The following JAK2 variants were observed in gnomAD, a reference collection of about 807,000 sequenced individuals.
The protein encoded by JAK2 is Janus kinase 2, also known as tyrosine-protein kinase JAK2.
Under a neutral mutation model 139.3 loss-of-function variants are expected in JAK2, and 86 were observed. The observed-to-expected ratio is 0.62, with a 90% CI of 0.52 to 0.74. JAK2 has a LOEUF of 0.74. Among genes scored for constraint, JAK2 ranks in the 30% least tolerant of loss-of-function variants. JAK2 has a pLI of 0.00. For synonymous variants in JAK2, 490 were observed against 437.7 expected, an observed-to-expected ratio of 1.12 and a Z score of -1.49; for missense variants, 1,421 against 1,360.3, an observed-to-expected ratio of 1.04 and a Z score of -0.70.
intron 2 of JAK2, among the ~76,000 whole-genome samples, chr9:4,994,790 C>G (rs1820467057): frequency 6.6e-6 from 1 of 152,076 alleles, no homozygotes; most frequent in Non-Finnish European, 1.5e-5. Context: ...AAGCTATGGC[C>G]CCATTTTTCA....
chr9:5,058,900 A>G (rs1024268099), intron 8 of JAK2, among the ~76,000 whole-genome samples: 3 of 152,270 alleles, frequency 2.0e-5, no homozygotes, highest in Admixed American at 6.5e-5. Flanking sequence ...TTGCTGAATT[A>G]TAGAAATTAT....
intron 2 of JAK2, among the ~76,000 whole-genome samples, chr9:5,002,799 C>T (rs755032714): frequency 3.3e-5 from 5 of 151,792 alleles, no homozygotes; most frequent in African/African-American, 4.8e-5. Context: ...TTATTGTGTG[C>T]ATATATATTT....
rs2130523588 is a variant in JAK2, at chr9:5,069,194, C to T, written c.1499C>T (p.Pro500Leu). ...NIIFQFTKCC[P>L]PKPKDKSNLL... is the part of the protein sequence containing the mutation. ...ATTTTCCAGTTTACTAAATGCTGTC[C>T]CCCAAAGCCAAAAGGTAAGATAATT... Residue 500 changes from proline to leucine, a missense_variant, in exon 11 of 25, where the codon CCC (proline) becomes CTC (leucine). Physicochemically the swap from Pro to Leu is moderately conservative, Grantham distance 98 (BLOSUM62 -3). Transcript: ENST00000381652. 1.9e-6 allele frequency: 3 copies of T among 1,600,304 alleles called. No individual in the cohort carries two copies. Among genetic ancestry groups the T allele is most frequent in the African/African-American group, 2.7e-5 (2 of 74,038 alleles).
At chr9:5,086,027 A>G (rs189521672) in intron 19 of JAK2, 19 of 787,630 alleles carry the variant, frequency 2.4e-5, no homozygotes, top group Middle Eastern at 3.7e-4. Flanking sequence ...ATACATTTGG[A>G]CAGGCAGGTG....
At chr9:5,030,402 A>T (rs1202324465) in intron 4 of JAK2, among the ~76,000 whole-genome samples, 1 of 152,000 alleles carries the variant, frequency 6.6e-6, no homozygotes, top group Non-Finnish European at 1.5e-5. Context: ...ATCTAGAAGT[A>T]TTTTTTTGCT....
At chr9:5,018,204 GGTTT>G (rs779326210) in intron 2 of JAK2, among the ~76,000 whole-genome samples, 2 of 152,044 alleles carry the variant, frequency 1.3e-5, no homozygotes, top group Non-Finnish European at 2.9e-5. Flanking sequence ...TTAGCATTGT[GGTTT>G]GTTGGTTTTC....
At chr9:5,088,377 C>G (rs1342874907) in intron 19 of JAK2, among the ~76,000 whole-genome samples, 11 of 152,100 alleles carry the variant, frequency 7.2e-5, no homozygotes, top group Admixed American at 7.2e-4. Context: ...TCTTGTAACT[C>G]AAGAACTACA....
chr9:5,027,491 A>G (rs1822853157), intron 3 of JAK2, among the ~76,000 whole-genome samples: 1 of 152,206 alleles, frequency 6.6e-6, no homozygotes, highest in Non-Finnish European at 1.5e-5. Flanking sequence ...CTACTGACTG[A>G]CCAGGGTGGT....
chr9:5,041,307 A>T (rs1816488875), intron 4 of JAK2: 3 of 819,234 alleles, frequency 3.7e-6, no homozygotes, highest in Non-Finnish European at 6.0e-6. Context: ...ACCAAGAAGC[A>T]CATCCCGTGC....
At position 5,054,094 on chromosome 9, in the gene JAK2, G is replaced by C. The variant is rs1215262057; in HGVS notation, c.615-469G>C. Among the ~76,000 whole-genome samples, 2 of 151,984 alleles carry C rather than the reference G, an allele frequency of 1.3e-5. No individual in the cohort carries two copies. The highest frequency in any genetic ancestry group is 3.8e-4 in the East Asian group (2 of 5,204). On this transcript the variant is annotated intron_variant, in intron 6 of 24. Transcript: ENST00000381652. This position sits in a 1 kb window ranked among gnomAD's most constrained non-coding sequence, Gnocchi z 4.9. ...AGCTGGCCTAACAAAATAATATACAGAAGTATGTTTGCATAATGAAAATGG... is the reference window on the plus strand; with the variant it reads ...AGCTGGCCTAACAAAATAATATACACAAGTATGTTTGCATAATGAAAATGG...
intron 4 of JAK2, among the ~76,000 whole-genome samples, chr9:5,042,296 C>T (rs1445584590): frequency 1.3e-5 from 2 of 151,630 alleles, no homozygotes; most frequent in East Asian, 1.9e-4. Context: ...CGCCACCGCG[C>T]CCGGCTAATT....
chr9:4,985,540 C>G lies in JAK2; in HGVS notation c.-199C>G, dbSNP rs996335354. The G allele has an allele frequency of 6.6e-6, 1 of 152,316 alleles. No homozygotes were observed. Among genetic ancestry groups the G allele is most frequent in the Non-Finnish European group, 1.5e-5 (1 of 68,236 alleles). 9.4% of individuals were successfully genotyped at this position (152,316 alleles called of 1,614,324 possible). A position where few individuals can be genotyped will look rare whatever the true frequency, so the allele number is the denominator to read the frequency against. On this transcript the variant is annotated 5_prime_UTR_variant, in exon 1 of 25. Coordinates refer to ENST00000381652, the MANE Select transcript of JAK2 (RefSeq NM_004972.4). ...CCTGGAGGTCGTTCAGAGCCGTGCC[C>G]GTCCCGGGGCTTCGCAGACCTTGAC...
At chr9:5,092,818 A>T (rs1198300595) in intron 22 of JAK2, among the ~76,000 whole-genome samples, 1 of 152,170 alleles carries the variant, frequency 6.6e-6, no homozygotes, top group East Asian at 1.9e-4. Context: ...GTTGTCCAAG[A>T]TAGAATCTTA....
chr9:5,021,085 G>A (rs1019826740), intron 2 of JAK2, among the ~76,000 whole-genome samples: 1 of 152,100 alleles, frequency 6.6e-6, no homozygotes, highest in African/African-American at 2.4e-5. Flanking sequence ...GAAAATGTGG[G>A]CCACTGGGAG....
intron 19 of JAK2, chr9:5,085,813 TA>T: frequency 1.3e-6 from 1 of 758,774 alleles, no homozygotes. Context: ...AGTACCACAA[TA>T]ATTGATCGAA....
rs559679585 is a variant in JAK2, at chr9:5,050,184, T to A, written c.469-502T>A. Among the ~76,000 whole-genome samples the A allele has an allele frequency of 1.4e-4, 21 of 152,386 alleles. No individual in the cohort carries two copies. In the East Asian group the frequency reaches 3.9e-3, roughly 28 times the overall value. On this transcript the variant is annotated intron_variant, in intron 5 of 24. Transcript: ENST00000381652. ...TAATGAAATAGGTTGATGTTATATG[T>A]ACTCTGTAATTGGGAACCCAGTGTA...
intron 3 of JAK2, among the ~76,000 whole-genome samples, chr9:5,024,906 C>T (rs1050256511): frequency 6.6e-6 from 1 of 152,194 alleles, no homozygotes; most frequent in African/African-American, 2.4e-5. Context: ...CAGAGTTTCA[C>T]ACTGGGAGCA....
intron 22 of JAK2, chr9:5,114,672 G>A (rs778130538): frequency 3.7e-5 from 16 of 436,200 alleles, no homozygotes; most frequent in East Asian, 6.0e-5. Flanking sequence ...GGGCTCTGGC[G>A]TCTTAGTCTT....
chr9:5,121,827 C>T (rs1823637131), intron 22 of JAK2, among the ~76,000 whole-genome samples: 1 of 151,970 alleles, frequency 6.6e-6, no homozygotes, highest in South Asian at 2.1e-4. Flanking sequence ...CAGAAAAAAA[C>T]AGCTGTGGAA....
Sources: gnomAD v4.1 joint callset for allele counts (sites outside exome capture counted in the v4.1 genomes callset) on GRCh38, gnomAD v4.1.1 for gene constraint, Gnocchi (gnomAD v3.1) non-coding constraint, MANE v1.5 for transcripts, NCBI Gene and HGNC (gene_info 2026-07-23, HGNC 2026-07-21) for gene names.